Variants in STYXL2 observed in about 807,000 individuals in gnomAD.
STYXL2 encodes the protein serine/threonine/tyrosine-interacting-like protein 2.
In STYXL2, 44 loss-of-function variants were observed where a neutral mutation model predicts 52.4. The observed-to-expected ratio is 0.84, with a 90% CI of 0.66 to 1.08. STYXL2 has a LOEUF of 1.08. STYXL2 is among the 50% of genes least tolerant of loss of function. The probability of loss-of-function intolerance (pLI) is 0.00; values close to 1 mark genes in which losing one functional copy is unlikely to be tolerated. For missense variants in STYXL2, 1,604 were observed against 1,471.7 expected, an observed-to-expected ratio of 1.09 and a Z score of -1.47; for synonymous variants, 604 against 586.9, an observed-to-expected ratio of 1.03 and a Z score of -0.42.
Position 167,128,765 on chromosome 1 carries a change from G to A in STYXL2, c.*157G>A. 1 of 1,269,246 alleles carries A rather than the reference G, an allele frequency of 7.9e-7. No homozygotes were observed. Among genetic ancestry groups the A allele is most frequent in the South Asian group, 1.6e-5 (1 of 61,426 alleles). 78.6% of individuals were successfully genotyped at this position (1,269,246 alleles called of 1,614,324 possible). A position where few individuals can be genotyped will look rare whatever the true frequency, so the allele number is the denominator to read the frequency against. ...GGTACCAAGCATAAGGGCAGCAGAG[G>A]TGGAGTAGGGAGGAGGCAAGGAGGG... On this transcript the variant is annotated 3_prime_UTR_variant, in exon 6 of 6. Transcript: ENST00000361200.
chr1:167,113,929 C>A, intron 3 of STYXL2, 125 bp downstream of exon 3: 1 of 753,800 alleles, frequency 1.3e-6, no homozygotes, highest in South Asian at 1.5e-5. Flanking sequence ...AAGAGCAGAT[C>A]TGCAGAAGGC....
chr1:167,125,530 G>T (rs970855386), intron 5 of STYXL2, among the ~76,000 whole-genome samples: 1 of 152,116 alleles, frequency 6.6e-6, no homozygotes, highest in African/African-American at 2.4e-5. Flanking sequence ...CTGTTGCTCG[G>T]TTTGTGAGGA....
rs1235163719 is a variant in STYXL2 at position 167,126,063 on chromosome 1, C to T, written c.932C>T (p.Ala311Val). 2.6e-6 allele frequency: 4 copies of T among 1,552,940 alleles called. No individual in the cohort carries two copies. Among genetic ancestry groups the T allele is most frequent in the Admixed American group, 3.9e-5 (2 of 51,014 alleles). Residue 311 changes from alanine (A) to valine (V), a missense_variant, in exon 6 of 6, where the codon GCC becomes GTC. Coordinates refer to ENST00000361200, the MANE Select transcript of STYXL2 (RefSeq NM_001080426.3). ...TGSMLGARVH[A>V]LTVEEEDDSA... ...AGCATGCTCGGGGCCAGAGTGCACG[C>T]CCTGACGGTGGAAGAGGAGGACGAC... is the stretch of plus-strand genomic sequence containing the variant.
At position 167,126,334 on chromosome 1, in the gene STYXL2, G is replaced by T. The variant is rs1207907224; in HGVS notation, c.1203G>T (p.Glu401Asp). The part of the protein sequence containing the change: ...RIIQEWQSRN[E>D]RYQAEGYRRW... ...TCCAGGAGTGGCAGAGCCGAAACGA[G>T]AGGTACCAAGCAGAAGGGTACCGGA... Residue 401 changes from glutamate (E) to aspartate (D), a missense_variant, in exon 6 of 6, where the codon GAG becomes GAT. Physicochemically the swap from Glu to Asp is conservative, Grantham distance 45 (BLOSUM62 2). Coordinates refer to ENST00000361200, the MANE Select transcript of STYXL2 (RefSeq NM_001080426.3). 6.6e-7 allele frequency: 1 copy of T among 1,523,236 alleles called. No individual in the cohort carries two copies. Among genetic ancestry groups the T allele is most frequent in the Admixed American group, 2.1e-5 (1 of 47,100 alleles). The allele number at this position is 1,523,236 out of a possible 1,614,324, so 94.4% of individuals were successfully genotyped here.
intron 2 of STYXL2, among the ~76,000 whole-genome samples, chr1:167,103,980 T>C (rs1667455117): frequency 6.6e-6 from 1 of 151,908 alleles, no homozygotes. Flanking sequence ...ATTAGCCTGG[T>C]GTGGTGGTGG....
intron 5 of STYXL2, 83 bp from the exon 6 acceptor site, chr1:167,125,704 A>C (rs1667947781): frequency 6.7e-7 from 1 of 1,483,564 alleles, no homozygotes; most frequent in African/African-American, 1.4e-5. Context: ...TTAAAACAGC[A>C]CTTACCAAAG....
Position 167,094,970 on chromosome 1 carries a change from A to C in STYXL2, c.110+11A>C. 1.3e-6 allele frequency: 2 copies of C among 1,583,026 alleles called. No individual in the cohort carries two copies. Among genetic ancestry groups the C allele is most frequent in the South Asian group, 2.3e-5 (2 of 87,044 alleles). Reference sequence around the variant, plus strand: ...CCCCTCCCCTAGCCAGTAAGTGACCACTTATCTCCCACCCTCACAGCCCCA... The same window carrying C: ...CCCCTCCCCTAGCCAGTAAGTGACCCCTTATCTCCCACCCTCACAGCCCCA... On this transcript the variant is annotated intron_variant, in intron 2 of 5. Transcript: ENST00000361200.
At chr1:167,107,413 A>G (rs1644440187) in intron 2 of STYXL2, among the ~76,000 whole-genome samples, 1 of 152,244 alleles carries the variant, frequency 6.6e-6, no homozygotes, top group South Asian at 2.1e-4. Context: ...CTCTACCATA[A>G]GAAAAAATTA....
In STYXL2 at chr1:167,129,059, G is replaced by A. The variant is rs1468514381; in HGVS notation, c.*451G>A. 6.8e-6 allele frequency: 1 copy of A among 147,170 alleles called. No homozygotes were observed. Among genetic ancestry groups the A allele is most frequent in the Non-Finnish European group, 1.4e-5 (1 of 69,018 alleles). 9.1% of individuals were successfully genotyped at this position (147,170 alleles called of 1,614,324 possible). On this transcript the variant is annotated 3_prime_UTR_variant, in exon 6 of 6. Transcript: ENST00000361200. ...TCCTATGGCAAGTCTGACCTCTCCT[G>A]GCAATGCTCAGTTCTGATTTTTTTT...
chr1:167,127,534 C>T lies in STYXL2; in HGVS notation c.2403C>T (p.Cys801=). ...PSSDMQSVLS[C]NTTLSSPAES... is the part of the protein sequence containing the mutation. ...CTGACATGCAGTCTGTGCTGTCCTG[C>T]AACACCACACTGAGCTCACCCGCGG... The change falls in exon 6 of 6, where the codon TGC becomes TGT. Residue 801 remains cysteine, a synonymous_variant. Coordinates refer to ENST00000361200, the MANE Select transcript of STYXL2 (RefSeq NM_001080426.3). 6.2e-7 allele frequency: 1 copy of T among 1,614,098 alleles called. No homozygotes were observed. Among genetic ancestry groups the T allele is most frequent in the Non-Finnish European group, 8.5e-7 (1 of 1,180,002 alleles).
intron 2 of STYXL2, among the ~76,000 whole-genome samples, chr1:167,098,044 G>A (rs6672765): frequency 0.36 from 47,350 of 133,282 alleles, 8,274 homozygotes; most frequent in Middle Eastern, 0.45. Flanking sequence ...ACGGAGTCTC[G>A]CTCAGTCGCC....
At position 167,094,863 on chromosome 1, in the gene STYXL2, A is replaced by G; in HGVS notation, c.14A>G (p.Lys5Arg). 2.5e-6 allele frequency: 4 copies of G among 1,613,300 alleles called. No homozygotes were observed. The highest frequency in any genetic ancestry group is 3.4e-6 in the Non-Finnish European group (4 of 1,179,758). MATR[K>R]DTEEEQVVPS... ...TGGCAGGTTGTCATGGCGACCAGAA[A>G]GGACACAGAGGAGGAGCAGGTAGTC... The change falls in exon 2 of 6, where the codon AAG (lysine) becomes AGG (arginine). Residue 5 changes from lysine to arginine, a missense_variant. Transcript: ENST00000361200.
Position 167,111,342 on chromosome 1 carries a change from G to A in STYXL2, c.111-2368G>A, listed in dbSNP as rs373592477. The stretch of plus-strand genomic sequence containing the variant: ...TCCCACTCCTGAGTATCTACCCAGA[G>A]GAAAAGAAGTCATTATGTGAAAAAT... On this transcript the variant is annotated intron_variant, in intron 2 of 5. Transcript: ENST00000361200. Among the ~76,000 whole-genome samples, 16 of 151,570 alleles carry A rather than the reference G, an allele frequency of 1.1e-4. 1 individual carries two copies. In the East Asian group the frequency reaches 2.5e-3, roughly 24 times the overall value.
chr1:167,111,798 A>T (rs1409738953), intron 2 of STYXL2, among the ~76,000 whole-genome samples: 1 of 152,068 alleles, frequency 6.6e-6, no homozygotes, highest in Non-Finnish European at 1.5e-5. Context: ...TACAGTGTAC[A>T]CTGCTCTGGT....
chr1:167,120,893 G>C (rs1322623069), intron 5 of STYXL2, among the ~76,000 whole-genome samples: 3 of 97,550 alleles, frequency 3.1e-5, no homozygotes, highest in African/African-American at 1.0e-4. Flanking sequence ...TATACAGAGA[G>C]AGAGAGAGGT....
At chr1:167,112,229 A>G (rs2102234021) in intron 2 of STYXL2, among the ~76,000 whole-genome samples, 1 of 152,324 alleles carries the variant, frequency 6.6e-6, no homozygotes, top group East Asian at 1.9e-4. Context: ...TGATGATGCC[A>G]CATCATGCTG....
intron 2 of STYXL2, among the ~76,000 whole-genome samples, chr1:167,095,227 G>A (rs1408685285): frequency 6.7e-6 from 1 of 150,056 alleles, no homozygotes; most frequent in African/African-American, 2.5e-5. Flanking sequence ...AACTGGACTT[G>A]GAAGGTCATA....
intron 5 of STYXL2, among the ~76,000 whole-genome samples, chr1:167,124,708 C>A (rs1353289655): frequency 6.6e-6 from 1 of 152,142 alleles, no homozygotes; most frequent in Non-Finnish European, 1.5e-5. Context: ...AAAATGACTG[C>A]ACATTAAAAG....
rs61748777 is a variant in STYXL2, at chr1:167,127,609, C to T, written c.2478C>T (p.Leu826=). Residue 826 remains leucine, a synonymous_variant, in exon 6 of 6, where the codon CTC becomes CTT. Transcript: ENST00000361200. ...VRGTSKPIFS[L]FADNVDLKEL... ...GGACCAGCAAGCCCATCTTCAGCCTCTTTGCTGACAATGTGGACCTAAAGG... is the reference window on the plus strand; with the variant it reads ...GGACCAGCAAGCCCATCTTCAGCCTTTTTGCTGACAATGTGGACCTAAAGG... The T allele has an allele frequency of 4.3e-3, 6,970 of 1,614,142 alleles. 248 individuals carry two copies. In the African/African-American group the frequency reaches 0.082, roughly 19 times the overall value.
Sources: allele counts gnomAD v4.1 joint callset (sites outside exome capture counted in the v4.1 genomes callset), GRCh38; gene constraint gnomAD v4.1.1; transcripts MANE v1.5; gene names NCBI Gene and HGNC (gene_info 2026-07-23, HGNC 2026-07-21).